The following FRYL variants were observed in gnomAD, a reference collection of about 807,000 sequenced individuals.
FRYL encodes the protein FRY like transcription coactivator.
A neutral mutation model predicts 351.2 loss-of-function variants in FRYL; 150 were observed. That is an observed-to-expected ratio of 0.43 (90% CI 0.37 to 0.49). The LOEUF (loss-of-function observed/expected upper bound fraction) is 0.49, where lower values mean the gene tolerates loss of function less well. FRYL is among the 20% of genes least tolerant of loss of function. The pLI is 0.00. For synonymous variants in FRYL, 1,153 were observed against 1,257.1 expected (o/e 0.92, Z 1.75); for missense variants, 3,036 against 3,619.3 (o/e 0.84, Z 4.13).
intron 1 of FRYL, among the ~76,000 whole-genome samples, chr4:48,741,945 G>A (rs1265491675): frequency 6.6e-6 from 1 of 152,206 alleles, no homozygotes; most frequent in Non-Finnish European, 1.5e-5. Flanking sequence ...GTGGATACAT[G>A]TCATTAGAAG....
At chr4:48,545,135 A>C (rs1731055533) in intron 42 of FRYL, among the ~76,000 whole-genome samples, 1 of 152,246 alleles carries the variant, frequency 6.6e-6, no homozygotes, top group Admixed American at 6.5e-5. Context: ...GACGTAGTAG[A>C]AAAAGATGCC....
intron 25 of FRYL, 140 bp from the exon 26 acceptor site, chr4:48,573,383 TG>T: frequency 1.7e-6 from 1 of 601,440 alleles, no homozygotes; most frequent in South Asian, 2.4e-5. Context: ...TTTTTTTATT[TG>T]GTTTATAAAA....
In FRYL at chr4:48,721,068, G is replaced by A. The variant is rs563099686; in HGVS notation, c.-383-10370C>T. Among the ~76,000 whole-genome samples the A allele has an allele frequency of 2.0e-5, 3 of 152,266 alleles. No individual in the cohort carries two copies. In the South Asian group the frequency reaches 6.2e-4, roughly 32 times the overall value. ...ATTCCCAACTGACAAACGAGAAAAA[G>A]GTCCAGAAGAATATACAATAATAGC... On this transcript the variant is annotated intron_variant, in intron 1 of 63. Coordinates refer to ENST00000358350, the MANE Select transcript of FRYL (RefSeq NM_015030.2).
chr4:48,536,061 C>T (rs60613836), intron 47 of FRYL, among the ~76,000 whole-genome samples: 4,377 of 152,192 alleles, frequency 0.029, 211 homozygotes, highest in African/African-American at 0.1. Flanking sequence ...CTAAATAGTA[C>T]GGCCTTCTTC....
chr4:48,578,353 T>C (rs1740118952), intron 23 of FRYL, among the ~76,000 whole-genome samples: 1 of 152,150 alleles, frequency 6.6e-6, no homozygotes, highest in Admixed American at 6.5e-5. Flanking sequence ...ATGTGATCAG[T>C]GGTGTACTCT....
At position 48,602,090 on chromosome 4, in the gene FRYL, C is replaced by A; in HGVS notation, c.965G>T (p.Cys322Phe). ...ALYPLITCLL[C>F]VSQKQFFLNN... ...TAAAAAAAATTGTTTCTGACTGACA[C>A]ATAAAAGGCAGGTAATTAGTGGATA... The change falls in exon 13 of 64, where the codon TGT becomes TTT. Residue 322 changes from cysteine (C) to phenylalanine (F), a missense_variant. This residue lies in a region of FRYL where 457 missense variants were observed against 566.6 expected (regional missense o/e 0.81). Coordinates refer to ENST00000358350, the MANE Select transcript of FRYL (RefSeq NM_015030.2). The A allele has an allele frequency of 6.3e-7, 1 of 1,598,940 alleles. No homozygotes were observed. The highest frequency in any genetic ancestry group is 1.1e-5 in the South Asian group (1 of 90,724).
At chr4:48,639,284 G>T (rs1373380468) in intron 3 of FRYL, among the ~76,000 whole-genome samples, 1 of 152,074 alleles carries the variant, frequency 6.6e-6, no homozygotes, top group African/African-American at 2.4e-5. Context: ...AGGACTGACA[G>T]GACGTGACTT....
At position 48,623,326 on chromosome 4, in the gene FRYL, G is replaced by A. The variant is rs1287485640; in HGVS notation, c.121-147C>T. ...ACTAGATTGTTTTAAAGAAAGATAA[G>A]CCTCCTCTTTGCCCAAGGTCACATG... is the stretch of plus-strand genomic sequence containing the variant. On this transcript the variant is annotated intron_variant, in intron 4 of 63. Coordinates refer to ENST00000358350, the MANE Select transcript of FRYL (RefSeq NM_015030.2). 5.6e-6 allele frequency: 3 copies of A among 538,754 alleles called. No homozygotes were observed. The Admixed American group carries it at 1.2e-4, about 22-fold the overall frequency. 33.4% of individuals were successfully genotyped at this position (538,754 alleles called of 1,614,324 possible).
chr4:48,623,368 C>A (rs1751072191), intron 4 of FRYL, among the ~76,000 whole-genome samples, 189 bp from the exon 5 acceptor site: 1 of 152,098 alleles, frequency 6.6e-6, no homozygotes, highest in South Asian at 2.1e-4. Flanking sequence ...TTAAGTGTGG[C>A]TCCAGAGGCA....
intron 1 of FRYL, among the ~76,000 whole-genome samples, chr4:48,766,790 G>A (rs1221779788): frequency 6.6e-6 from 1 of 151,758 alleles, no homozygotes; most frequent in Non-Finnish European, 1.5e-5. Flanking sequence ...GTAGTGCAAA[G>A]GCTTAATTCT....
At chr4:48,777,032 G>C (rs1776092833) in intron 1 of FRYL, among the ~76,000 whole-genome samples, 1 of 151,380 alleles carries the variant, frequency 6.6e-6, no homozygotes, top group Admixed American at 6.6e-5. Flanking sequence ...GCTGGCTCTG[G>C]GTCTAATTTA....
Position 48,634,348 on chromosome 4 carries a change from A to G in FRYL, c.63T>C (p.Phe21=). The G allele has an allele frequency of 6.2e-7, 1 of 1,613,792 alleles. No individual in the cohort carries two copies. Among genetic ancestry groups the G allele is most frequent in the African/African-American group, 1.3e-5 (1 of 75,030 alleles). ...TTTCAGCTTGAACAGCAAATTCTGCAAAGAGGCTCTTGATGACATATTCAC... is the reference window on the plus strand; with the variant it reads ...TTTCAGCTTGAACAGCAAATTCTGCGAAGAGGCTCTTGATGACATATTCAC... ...KPGEYVIKSL[F]AEFAVQAEKK... is the part of the protein sequence containing the mutation. The change falls in exon 4 of 64, where the codon TTT becomes TTC. Residue 21 remains phenylalanine (F), a synonymous_variant. Coordinates refer to ENST00000358350, the MANE Select transcript of FRYL (RefSeq NM_015030.2).
At chr4:48,683,400 C>A (rs1191200382) in intron 3 of FRYL, among the ~76,000 whole-genome samples, 1 of 150,690 alleles carries the variant, frequency 6.6e-6, no homozygotes, top group Non-Finnish European at 1.5e-5. Context: ...CACATGTATC[C>A]CAGAACTTAA....
At chr4:48,589,236 T>C (rs1170794846) in intron 18 of FRYL, among the ~76,000 whole-genome samples, 3 of 152,028 alleles carry the variant, frequency 2.0e-5, no homozygotes, top group Admixed American at 6.6e-5. Context: ...GAAAAAAAGA[T>C]GCAGAGATGA....
intron 1 of FRYL, among the ~76,000 whole-genome samples, chr4:48,725,484 T>C (rs1769976707): frequency 6.6e-6 from 1 of 152,220 alleles, no homozygotes; most frequent in Admixed American, 6.5e-5. Context: ...TTAACCTCAG[T>C]CGACAATATT....
chr4:48,569,431 C>T (rs1253210207), intron 27 of FRYL, among the ~76,000 whole-genome samples: 1 of 152,120 alleles, frequency 6.6e-6, no homozygotes, highest in Non-Finnish European at 1.5e-5. Flanking sequence ...CTCAGCCTCC[C>T]GAGTAGCTGA....
intron 1 of FRYL, among the ~76,000 whole-genome samples, chr4:48,736,171 T>C (rs1403505270): frequency 1.3e-5 from 2 of 151,798 alleles, no homozygotes; most frequent in African/African-American, 2.4e-5. Flanking sequence ...TTAACCACAA[T>C]GAAAATGAAA....
At chr4:48,538,938 G>A (rs116458503) in intron 47 of FRYL, among the ~76,000 whole-genome samples, 6 of 152,198 alleles carry the variant, frequency 3.9e-5, no homozygotes, top group Non-Finnish European at 8.8e-5. Flanking sequence ...GCAAAAGGCA[G>A]GCTGTTTGAC....
At chr4:48,499,911 T>C in intron 63 of FRYL, 119 bp downstream of exon 63, 2 of 820,814 alleles carry the variant, frequency 2.4e-6, no homozygotes, top group Non-Finnish European at 3.8e-6. Flanking sequence ...TTAAAAATAC[T>C]CATGTTTTTC....
Sources: gnomAD v4.1 joint callset for allele counts (sites outside exome capture counted in the v4.1 genomes callset) on GRCh38, gnomAD v4.1.1 for gene constraint, gnomAD v4.1.1 regional missense constraint, MANE v1.5 for transcripts, NCBI Gene and HGNC (gene_info 2026-07-23, HGNC 2026-07-21) for gene names.